PRH1: variants seen among roughly 807,000 people sequenced by gnomAD.
The protein encoded by PRH1 is salivary acidic proline-rich phosphoprotein 1/2.
A neutral mutation model predicts 7.9 loss-of-function variants in PRH1; 7 were observed. The observed-to-expected ratio is 0.89, with a 90% CI of 0.50 to 1.67. The LOEUF (loss-of-function observed/expected upper bound fraction) is 1.67, where lower values mean the gene tolerates loss of function less well. Among genes scored for constraint, PRH1 ranks in the 40% most tolerant of loss-of-function variants. PRH1 has a pLI of 0.00. For synonymous variants in PRH1, 45 were observed against 80.8 expected (o/e 0.56, Z 2.38); for missense variants, 109 against 223.6 (o/e 0.49, Z 3.27).
chr12:11,135,500 T>A (rs972469532), intron 1 of PRH1, among the ~76,000 whole-genome samples: 1 of 97,236 alleles, frequency 1.0e-5, no homozygotes, highest in Non-Finnish European at 2.5e-5. Context: ...TCACCAGAGC[T>A]ATCCAACAAA....
intron 1 of PRH1, chr12:11,078,994 A>C (rs1226692390): frequency 7.4e-6 from 1 of 135,368 alleles, no homozygotes; most frequent in Non-Finnish European, 1.7e-5. Context: ...AGTTTCCAGG[A>C]GGTCATCCAG....
rs1038134477 is a variant in PRH1, at chr12:10,929,157, G to A, written c.-59+44498C>T. 55 of 1,332,138 alleles carry A rather than the reference G, an allele frequency of 4.1e-5. 1 individual carries two copies. The Admixed American group carries it at 7.0e-4, about 17-fold the overall frequency. The allele number at this position is 1,332,138 out of a possible 1,614,324, so 82.5% of individuals were successfully genotyped here. A position where few individuals can be genotyped will look rare whatever the true frequency, so the allele number is the denominator to read the frequency against. On this transcript the variant is annotated intron_variant, in intron 2 of 3. Transcript: ENST00000539853. ...CAAAGCAGAACCCAGTCTCTGAGGCGAGGAGGCCCACCTGGTAGGGAGCTC... is the reference window on the plus strand; with the variant it reads ...CAAAGCAGAACCCAGTCTCTGAGGCAAGGAGGCCCACCTGGTAGGGAGCTC...
intron 1 of PRH1, among the ~76,000 whole-genome samples, chr12:11,040,908 T>C: frequency 6.6e-6 from 1 of 152,076 alleles, no homozygotes; most frequent in East Asian, 1.9e-4. Context: ...GAAGATAGCA[T>C]TTGCAAGCCT....
At chr12:10,986,632 T>G in intron 1 of PRH1, 1 of 1,613,362 alleles carries the variant, frequency 6.2e-7, no homozygotes, top group Non-Finnish European at 8.5e-7. Context: ...AATTCTACAC[T>G]ATAAAAAGCT....
At chr12:11,046,873 T>C (rs897260426) in intron 1 of PRH1, 21 of 324,190 alleles carry the variant, frequency 6.5e-5, no homozygotes, top group African/African-American at 2.1e-4. Flanking sequence ...TTCTGAATTA[T>C]AGAGAACAGC....
chr12:11,048,551 T>A, upstream of PRH1: 2 of 570,008 alleles, frequency 3.5e-6, no homozygotes, highest in South Asian at 2.2e-5. Context: ...GCAAATAACA[T>A]AAGGAAGGAG....
intron 2 of PRH1, among the ~76,000 whole-genome samples, chr12:10,905,955 T>C (rs1018936435): frequency 6.6e-6 from 1 of 152,158 alleles, no homozygotes; most frequent in African/African-American, 2.4e-5. Flanking sequence ...GTGGGGACCA[T>C]ATGAGTGCAG....
chr12:10,927,465 C>T (rs1950139119), intron 2 of PRH1, among the ~76,000 whole-genome samples: 1 of 152,206 alleles, frequency 6.6e-6, no homozygotes, highest in Admixed American at 6.5e-5. Context: ...CCAGCTAAAA[C>T]TGATCCAGTT....
intron 1 of PRH1, among the ~76,000 whole-genome samples, chr12:11,054,893 C>T (rs867675325): frequency 4.0e-5 from 5 of 123,978 alleles, no homozygotes. Flanking sequence ...AGCTCTGCCT[C>T]ACTGCAAGCT....
intron 2 of PRH1, among the ~76,000 whole-genome samples, chr12:10,968,257 T>TTAAAC (rs1471574576): frequency 6.6e-6 from 1 of 152,234 alleles, no homozygotes; most frequent in African/African-American, 2.4e-5. Flanking sequence ...GCAATGTATT[T>TTAAAC]TAAACTAAAC....
At chr12:11,000,639 T>C (rs569011278) in intron 1 of PRH1, among the ~76,000 whole-genome samples, 21 of 152,258 alleles carry the variant, frequency 1.4e-4, no homozygotes, top group African/African-American at 3.8e-4. Context: ...CTCCACAACA[T>C]TGATTCTGCC....
intron 2 of PRH1, among the ~76,000 whole-genome samples, chr12:10,905,036 A>T (rs1218850327): frequency 6.6e-6 from 1 of 151,040 alleles, no homozygotes; most frequent in African/African-American, 2.4e-5. Flanking sequence ...AACAGATGCT[A>T]GTGAAGCTGT....
intron 1 of PRH1, chr12:11,133,153 ATG>A (rs1946422550): frequency 1.2e-4 from 120 of 1,026,986 alleles, no homozygotes; most frequent in Non-Finnish European, 1.4e-4. Flanking sequence ...ATCTATATAT[ATG>A]TACTTTTCTA....
At chr12:10,986,201 G>T in intron 1 of PRH1, 1 of 1,614,102 alleles carries the variant, frequency 6.2e-7, no homozygotes. Context: ...GGACCTTGGT[G>T]CTGAGATCTT....
At chr12:10,892,404 G>A (rs770647576) in intron 2 of PRH1, among the ~76,000 whole-genome samples, 4 of 152,136 alleles carry the variant, frequency 2.6e-5, no homozygotes, top group African/African-American at 4.8e-5. Flanking sequence ...CATACAATTT[G>A]TTTTTATTTT....
intron 1 of PRH1, among the ~76,000 whole-genome samples, chr12:11,126,877 C>T (rs556772031): frequency 2.3e-5 from 2 of 85,380 alleles, no homozygotes; most frequent in Non-Finnish European, 5.7e-5. Flanking sequence ...GTCTATAAGC[C>T]TAATGAAGGT....
At chr12:11,001,146 T>C (rs1940572997) in intron 1 of PRH1, among the ~76,000 whole-genome samples, 1 of 151,996 alleles carries the variant, frequency 6.6e-6, no homozygotes, top group African/African-American at 2.4e-5. Flanking sequence ...TGATGTGATG[T>C]TAGTAGCTTT....
intron 1 of PRH1, among the ~76,000 whole-genome samples, chr12:11,010,785 G>GT (rs1156771276): frequency 6.7e-6 from 1 of 150,104 alleles, no homozygotes; most frequent in Non-Finnish European, 1.5e-5. Context: ...TGTATTTTTA[G>GT]TTCAAAAAAT....
intron 1 of PRH1, among the ~76,000 whole-genome samples, chr12:10,990,655 T>G (rs1939890920): frequency 6.6e-6 from 1 of 152,182 alleles, no homozygotes; most frequent in Non-Finnish European, 1.5e-5. Flanking sequence ...GCTGCTATCT[T>G]GAGAGTACAT....
Sources: gnomAD v4.1 joint callset for allele counts (sites outside exome capture counted in the v4.1 genomes callset) on GRCh38, gnomAD v4.1.1 for gene constraint, MANE v1.5 for transcripts, NCBI Gene and HGNC (gene_info 2026-07-23, HGNC 2026-07-21) for gene names.